The following TENM3 variants were observed in gnomAD, a reference collection of about 807,000 sequenced individuals.
TENM3 encodes the protein teneurin-3.
Under a neutral mutation model 255.1 loss-of-function variants are expected in TENM3, and 63 were observed. The ratio of observed to expected loss-of-function variants is 0.25; its 90% CI spans 0.20 to 0.30. The LOEUF (loss-of-function observed/expected upper bound fraction) is 0.30. Among genes scored for constraint, TENM3 ranks in the 10% least tolerant of loss-of-function variants. The pLI, the probability that TENM3 is intolerant of heterozygous loss-of-function variation, is 1.00. For synonymous variants in TENM3, 1,306 were observed against 1,322.3 expected (o/e 0.99, Z 0.27); for missense variants, 2,929 against 3,461.1 (o/e 0.85, Z 3.86).
At chr4:181,946,166 G>A in the TENM3 span, among the ~76,000 whole-genome samples, 1 of 152,022 alleles carries the variant, frequency 6.6e-6, no homozygotes. Context: ...ATACACACAT[G>A]AATATATCTC....
chr4:181,566,726 G>A, the TENM3 span, among the ~76,000 whole-genome samples: 8 of 152,270 alleles, frequency 5.3e-5, no homozygotes, highest in Admixed American at 4.6e-4. Context: ...CTCTCCAGCC[G>A]TGTGTTCACA....
At chr4:182,501,522 G>T (rs1230374105) in intron 3 of TENM3, among the ~76,000 whole-genome samples, 2 of 151,908 alleles carry the variant, frequency 1.3e-5, no homozygotes, top group African/African-American at 4.8e-5. Context: ...AAGTCATTTG[G>T]ATACATAGTA....
At chr4:182,696,541 A>G (rs1757435300) in intron 12 of TENM3, among the ~76,000 whole-genome samples, 1 of 152,082 alleles carries the variant, frequency 6.6e-6, no homozygotes, top group African/African-American at 2.4e-5. Flanking sequence ...CCTGACCAAC[A>G]TGGTGAATCC....
the TENM3 span, among the ~76,000 whole-genome samples, chr4:181,530,652 A>C: frequency 4.3e-4 from 65 of 152,346 alleles, 1 homozygote; most frequent in Admixed American, 5.9e-4. Flanking sequence ...GAAAATATGC[A>C]TCTTCCTTTT....
intron 4 of TENM3, among the ~76,000 whole-genome samples, chr4:182,620,369 C>G (rs543054699): frequency 1.8e-4 from 27 of 152,272 alleles, no homozygotes; most frequent in African/African-American, 6.0e-4. Context: ...TCACAATATG[C>G]ACTTTGGCAG....
At chr4:181,833,573 C>G in the TENM3 span, among the ~76,000 whole-genome samples, 1 of 152,210 alleles carries the variant, frequency 6.6e-6, no homozygotes, top group African/African-American at 2.4e-5. Flanking sequence ...ATGGCCCCAC[C>G]TCTCCTACTC....
the TENM3 span, among the ~76,000 whole-genome samples, chr4:182,100,810 C>CATAT: frequency 7.4e-3 from 47 of 6,334 alleles, 14 homozygotes; most frequent in East Asian, 0.037. Context: ...TATATATACA[C>CATAT]ATATATATAC....
chr4:181,518,476 G>A, the TENM3 span, among the ~76,000 whole-genome samples: 16 of 152,226 alleles, frequency 1.1e-4, no homozygotes, highest in South Asian at 1.2e-3. Flanking sequence ...CACCCAGGCC[G>A]GAGTGCAGTG....
At chr4:182,525,453 C>G (rs1022886531) in intron 3 of TENM3, among the ~76,000 whole-genome samples, 1 of 152,194 alleles carries the variant, frequency 6.6e-6, no homozygotes, top group East Asian at 1.9e-4. Context: ...GTTGCCAAAA[C>G]ATAAAATTCA....
chr4:182,163,516 A>T (rs756092954), intron 1 of TENM3, among the ~76,000 whole-genome samples: 1 of 152,212 alleles, frequency 6.6e-6, no homozygotes, highest in South Asian at 2.1e-4. Context: ...TGATTTGCTC[A>T]GTAGAATTAG....
At chr4:182,525,199 G>A (rs929078004) in intron 3 of TENM3, among the ~76,000 whole-genome samples, 10 of 152,178 alleles carry the variant, frequency 6.6e-5, no homozygotes, top group Non-Finnish European at 1.3e-4. Flanking sequence ...AACGAATTTA[G>A]TAGTCAGGAA....
chr4:181,452,320 A>T, the TENM3 span, among the ~76,000 whole-genome samples: 1 of 152,130 alleles, frequency 6.6e-6, no homozygotes, highest in Non-Finnish European at 1.5e-5. Flanking sequence ...TAAAAATGTG[A>T]TATGGTTTGG....
At chr4:182,360,273 C>A (rs1216867387) in intron 3 of TENM3, among the ~76,000 whole-genome samples, 29 of 127,178 alleles carry the variant, frequency 2.3e-4, no homozygotes, top group African/African-American at 8.2e-4. Context: ...TCCTGGGTAT[C>A]CTTGTTGACT....
At chr4:182,120,280 A>G in the TENM3 span, among the ~76,000 whole-genome samples, 1 of 152,186 alleles carries the variant, frequency 6.6e-6, no homozygotes, top group Non-Finnish European at 1.5e-5. Flanking sequence ...TTTGTAGCCT[A>G]GGAGCCATAG....
At chr4:181,763,143 A>G in the TENM3 span, among the ~76,000 whole-genome samples, 1 of 152,204 alleles carries the variant, frequency 6.6e-6, no homozygotes, top group South Asian at 2.1e-4. Context: ...TTATCTAAGA[A>G]ATTGATGGAC....
intron 3 of TENM3, among the ~76,000 whole-genome samples, chr4:182,400,508 T>C (rs952223672): frequency 6.6e-6 from 1 of 152,248 alleles, no homozygotes; most frequent in African/African-American, 2.4e-5. Flanking sequence ...TTCCAAGTAC[T>C]GTTGATATTG....
intron 1 of TENM3, among the ~76,000 whole-genome samples, chr4:182,289,091 A>G (rs776699622): frequency 2.0e-5 from 3 of 152,060 alleles, no homozygotes; most frequent in Admixed American, 1.3e-4. Flanking sequence ...TTAGCCTGGC[A>G]TGGTGGTGCA....
the TENM3 span, among the ~76,000 whole-genome samples, chr4:181,845,944 T>C: frequency 6.6e-6 from 1 of 152,170 alleles, no homozygotes; most frequent in Non-Finnish European, 1.5e-5. Context: ...CTTTCTTCAT[T>C]TTCCTACTAA....
At chr4:181,495,556 CGAGAGA>C in the TENM3 span, among the ~76,000 whole-genome samples, 1,401 of 148,590 alleles carry the variant, frequency 9.4e-3, 16 homozygotes, top group South Asian at 0.034. Context: ...TTAGTATACA[CGAGAGA>C]GAGAGAGAGA....
Sources: gnomAD v4.1 joint callset for allele counts (sites outside exome capture counted in the v4.1 genomes callset) on GRCh38, gnomAD v4.1.1 for gene constraint, MANE v1.5 for transcripts, NCBI Gene and HGNC (gene_info 2026-07-23, HGNC 2026-07-21) for gene names.